The following SDK1 variants were observed in gnomAD, a reference collection of about 807,000 sequenced individuals.
SDK1 encodes sidekick cell adhesion molecule 1, also known as protein sidekick-1.
SDK1 carries 157 observed loss-of-function variants against 245.5 expected under a neutral mutation model. That is an observed-to-expected ratio of 0.64 (90% CI 0.56 to 0.73). SDK1 has a LOEUF of 0.73. SDK1 is among the 30% of genes least tolerant of loss of function. SDK1 has a pLI of 0.00. For synonymous variants in SDK1, 1,647 were observed against 1,278.5 expected, an observed-to-expected ratio of 1.29 and a Z score of -6.15; for missense variants, 3,583 against 3,002.3, an observed-to-expected ratio of 1.19 and a Z score of -4.52.
At chr7:3,343,862 A>G (rs1192546789) in intron 1 of SDK1, among the ~76,000 whole-genome samples, 1 of 152,188 alleles carries the variant, frequency 6.6e-6, no homozygotes, top group Non-Finnish European at 1.5e-5. Flanking sequence ...CATACAAACA[A>G]AAAACAGAAT....
At chr7:4,229,656 G>T (rs1785629087) in intron 40 of SDK1, among the ~76,000 whole-genome samples, 1 of 152,090 alleles carries the variant, frequency 6.6e-6, no homozygotes, top group East Asian at 1.9e-4. Context: ...CACTCCGGAG[G>T]TGTTCAGACC....
intron 38 of SDK1, among the ~76,000 whole-genome samples, chr7:4,214,491 C>T (rs151267284): frequency 2.3e-3 from 350 of 152,270 alleles, no homozygotes; most frequent in African/African-American, 7.7e-3. Context: ...GCTTTGCAAC[C>T]GAGGCAATGT....
chr7:4,240,428 T>C (rs1033168251), intron 42 of SDK1, among the ~76,000 whole-genome samples: 3 of 152,304 alleles, frequency 2.0e-5, no homozygotes, highest in Admixed American at 6.5e-5. Context: ...CATCCTCGTC[T>C]GAATTCCTTT....
At chr7:3,347,397 G>T (rs930340248) in intron 1 of SDK1, among the ~76,000 whole-genome samples, 1 of 152,084 alleles carries the variant, frequency 6.6e-6, no homozygotes, top group African/African-American at 2.4e-5. Flanking sequence ...ATGTCATAAA[G>T]CTGTTGGTCT....
chr7:3,874,239 G>A (rs79396020), intron 5 of SDK1, among the ~76,000 whole-genome samples: 7,816 of 152,246 alleles, frequency 0.051, 637 homozygotes, highest in African/African-American at 0.17. Flanking sequence ...TGTGTTCATA[G>A]CATGGGATAA....
chr7:4,154,884 G>T (rs1027599479), intron 30 of SDK1, among the ~76,000 whole-genome samples: 9 of 152,082 alleles, frequency 5.9e-5, no homozygotes, highest in African/African-American at 2.2e-4. Flanking sequence ...CTTGCATCCT[G>T]TGTGCATTTG....
chr7:3,525,531 G>A (rs1246264323), intron 1 of SDK1, among the ~76,000 whole-genome samples: 1 of 152,102 alleles, frequency 6.6e-6, no homozygotes, highest in Admixed American at 6.6e-5. Flanking sequence ...CCACCAACCT[G>A]GAAAGTGTTT....
intron 1 of SDK1, among the ~76,000 whole-genome samples, chr7:3,317,293 G>T (rs1779688158): frequency 6.6e-6 from 1 of 151,356 alleles, no homozygotes; most frequent in Non-Finnish European, 1.5e-5. Flanking sequence ...TTTAAAGTAA[G>T]GTTTTTAAGG....
chr7:3,393,881 G>C (rs1307744812), intron 1 of SDK1, among the ~76,000 whole-genome samples: 1 of 152,054 alleles, frequency 6.6e-6, no homozygotes, highest in African/African-American at 2.4e-5. Context: ...TGTTTTCCCG[G>C]ATGGTCTTGA....
At position 4,068,007 on chromosome 7, in the gene SDK1, A is replaced by C. The variant is rs192984969; in HGVS notation, c.3010+71A>C. The C allele has an allele frequency of 2.7e-5, 30 of 1,093,588 alleles. No homozygotes were observed. In the African/African-American group the frequency reaches 4.0e-4, roughly 15 times the overall value. The allele number at this position is 1,093,588 out of a possible 1,614,324, so 67.7% of individuals were successfully genotyped here. ...CACAAAAAGAAGTGGCTGTCACTTC[A>C]AACCAAACTGCTGACAGCATGGACC... On this transcript the variant is annotated intron_variant, in intron 20 of 44. Coordinates refer to ENST00000404826, the MANE Select transcript of SDK1 (RefSeq NM_152744.4).
At chr7:3,773,266 T>C (rs1780454807) in intron 4 of SDK1, among the ~76,000 whole-genome samples, 1 of 152,210 alleles carries the variant, frequency 6.6e-6, no homozygotes, top group African/African-American at 2.4e-5. Flanking sequence ...GAGAATATTT[T>C]CCTTTGCCCT....
chr7:3,479,716 G>T (rs1781454648), intron 1 of SDK1, among the ~76,000 whole-genome samples: 1 of 151,914 alleles, frequency 6.6e-6, no homozygotes, highest in African/African-American at 2.4e-5. Flanking sequence ...ACAAAATTTA[G>T]CTGGGCATGG....
chr7:4,253,295 T>G (rs1477727907), intron 44 of SDK1, among the ~76,000 whole-genome samples: 1 of 152,192 alleles, frequency 6.6e-6, no homozygotes, highest in Non-Finnish European at 1.5e-5. Context: ...AAGCACTGTG[T>G]TAGCTGAATC....
chr7:3,571,244 A>T (rs1780105303), intron 1 of SDK1, among the ~76,000 whole-genome samples: 1 of 151,964 alleles, frequency 6.6e-6, no homozygotes, highest in African/African-American at 2.4e-5. Context: ...TAAAATCTTG[A>T]TTTTGATGTT....
At chr7:3,790,678 T>C (rs1393864512) in intron 4 of SDK1, among the ~76,000 whole-genome samples, 1 of 152,144 alleles carries the variant, frequency 6.6e-6, no homozygotes, top group Non-Finnish European at 1.5e-5. Context: ...TGGTGACGCA[T>C]GCCTGTGATC....
In SDK1 at chr7:3,855,072, A is replaced by G. The variant is rs1161170169; in HGVS notation, c.847+33489A>G. ...CCCACTTGTGACAGCTATCAGTATC[A>G]GGACTTAGGCCTAAGAGAGAGGTCA... On this transcript the variant is annotated intron_variant, in intron 5 of 44. Transcript: ENST00000404826. Among the ~76,000 whole-genome samples, 3 of 152,132 alleles carry G rather than the reference A, an allele frequency of 2.0e-5. No individual in the cohort carries two copies. In the East Asian group the frequency reaches 5.8e-4, roughly 29 times the overall value.
At chr7:3,461,896 C>T (rs996318010) in intron 1 of SDK1, among the ~76,000 whole-genome samples, 2 of 152,084 alleles carry the variant, frequency 1.3e-5, no homozygotes, top group Non-Finnish European at 2.9e-5. Flanking sequence ...TATCTTTTCC[C>T]TTTCTTGAAT....
rs112611645 is a variant in SDK1 at position 3,456,241 on chromosome 7, G to A, written c.298+154357G>A. Among the ~76,000 whole-genome samples, 8 of 152,242 alleles carry A rather than the reference G, an allele frequency of 5.3e-5. 1 individual carries two copies. Among genetic ancestry groups the A allele is most frequent in the South Asian group, 4.1e-4 (2 of 4,826 alleles). Reference sequence around the variant, plus strand: ...GGGCTTCACTCAGCTTCTTGAATCTGTAGATTTATGTCTTTTGCTAAATTT... The same window carrying A: ...GGGCTTCACTCAGCTTCTTGAATCTATAGATTTATGTCTTTTGCTAAATTT... On this transcript the variant is annotated intron_variant, in intron 1 of 44. Transcript: ENST00000404826.
intron 1 of SDK1, among the ~76,000 whole-genome samples, chr7:3,534,813 G>C (rs1182447900): frequency 6.6e-6 from 1 of 152,178 alleles, no homozygotes; most frequent in Non-Finnish European, 1.5e-5. Flanking sequence ...AATCAAGCTG[G>C]AAATAGATGC....
Sources: gnomAD v4.1 joint callset for allele counts (sites outside exome capture counted in the v4.1 genomes callset) on GRCh38, gnomAD v4.1.1 for gene constraint, MANE v1.5 for transcripts, NCBI Gene and HGNC (gene_info 2026-07-23, HGNC 2026-07-21) for gene names.